NCOR2: variants seen among roughly 807,000 people sequenced by gnomAD.
NCOR2 encodes the protein nuclear receptor corepressor 2.
Under a neutral mutation model 262.9 loss-of-function variants are expected in NCOR2, and 81 were observed. That is an observed-to-expected ratio of 0.31 (90% confidence interval 0.26 to 0.37). NCOR2 has a LOEUF of 0.37. NCOR2 is among the 10% of genes least tolerant of loss of function. The probability of loss-of-function intolerance (pLI) is 1.00; values close to 1 mark genes in which losing one functional copy is unlikely to be tolerated. For missense variants in NCOR2, 3,385 were observed against 3,621.4 expected (o/e 0.93, Z 1.68); for synonymous variants, 1,659 against 1,559.3 (o/e 1.06, Z -1.51).
chr12:124,497,433 C>A (rs75133898), upstream of NCOR2, among the ~76,000 whole-genome samples: 2,613 of 152,334 alleles, frequency 0.017, 62 homozygotes, highest in Non-Finnish European at 0.019. The surrounding 1 kb of genome is among the most constrained non-coding windows in gnomAD (Gnocchi z 4.2). Context: ...CCCTAAACAT[C>A]AGACATTCAT....
At chr12:124,519,089 T>TACACACACACATAC (rs58285194) in intron 1 of NCOR2, among the ~76,000 whole-genome samples, 7,969 of 97,166 alleles carry the variant, frequency 0.082, 393 homozygotes, top group African/African-American at 0.11. Flanking sequence ...GGCCAAATAA[T>TACACACACACATAC]ACACACACAC....
rs1555222674 is a variant in NCOR2, at chr12:124,433,873, C to CAA, written c.883-3087_883-3086insTT. On this transcript the variant is annotated intron_variant, in intron 8 of 46. Coordinates refer to ENST00000405201, the Ensembl canonical transcript of NCOR2. ...ACACACACACACACACACACACACA[C>CAA]ACACACACACACACACACACACACA... 9.2e-3 allele frequency among the ~76,000 whole-genome samples: 883 copies of CAA among 96,262 alleles called. 36 individuals are homozygous for CAA. Among genetic ancestry groups the CAA allele is most frequent in the East Asian group, 0.039 (133 of 3,444 alleles). The allele number at this position is 96,262 out of a possible 152,430, so 63.2% of individuals were successfully genotyped here. A position where few individuals can be genotyped will look rare whatever the true frequency, so the allele number is the denominator to read the frequency against.
chr12:124,446,110 C>G lies in NCOR2; in HGVS notation c.815+3705G>C, dbSNP rs187733867. On this transcript the variant is annotated intron_variant, in intron 7 of 46. Coordinates refer to ENST00000405201, the Ensembl canonical transcript of NCOR2. ...TTCTGCAGTCTAGCATGAGCGGTCA[C>G]AAAACATCAGAGCCTGCAAGGAGTG... Among the ~76,000 whole-genome samples, 278 of 152,324 alleles carry G rather than the reference C, an allele frequency of 1.8e-3. 3 individuals are homozygous for G. Among genetic ancestry groups the G allele is most frequent in the Admixed American group, 7.9e-3 (121 of 15,302 alleles).
At chr12:124,327,753 G>C (rs570636764) in intron 44 of NCOR2, 120 bp from the exon 47 acceptor site, 2 of 684,224 alleles carry the variant, frequency 2.9e-6, no homozygotes, top group African/African-American at 1.8e-5. Flanking sequence ...GAGGAGGAGA[G>C]AGAAATACAC....
intron 20 of NCOR2, among the ~76,000 whole-genome samples, chr12:124,370,791 A>T (rs1393325161): frequency 2.0e-5 from 3 of 152,150 alleles, no homozygotes; most frequent in Non-Finnish European, 4.4e-5. Flanking sequence ...CAGAAAGGAA[A>T]GAACACACCT....
Position 124,374,476 on chromosome 12 carries a change from CAG to C in NCOR2, c.2168-15_2168-14del, listed in dbSNP as rs1731747049. On this transcript the variant is annotated splice_polypyrimidine_tract_variant and intron_variant, in intron 18 of 46. Coordinates refer to ENST00000405201, the Ensembl canonical transcript of NCOR2. ...GAGGCATGTAAGGCTGGAAGGAAGT[CAG>C]AGAAGAGTTAGAAGTGAGGCAGCAC... 6.2e-7 allele frequency: 1 copy of C among 1,611,374 alleles called. No homozygotes were observed. The highest frequency in any genetic ancestry group is 1.3e-5 in the African/African-American group (1 of 74,880).
chr12:124,423,478 T>C (rs1702318), intron 11 of NCOR2, among the ~76,000 whole-genome samples: 146,515 of 152,254 alleles, frequency 0.96, 70,513 homozygotes, highest in East Asian at 1. Flanking sequence ...CAGCCAGACA[T>C]CCGAGGATCC....
rs375515516 is a variant in NCOR2 at position 124,363,772 on chromosome 12, G to A, written c.2835C>T (p.Leu945=). Reference sequence around the variant, plus strand: ...TGGCCCGGGGGTCGCCAGTCGGGGTGAGGAGGCTGGGCCTTGGGGACAGCA... The same window carrying A: ...TGGCCCGGGGGTCGCCAGTCGGGGTAAGGAGGCTGGGCCTTGGGGACAGCA... The change falls in exon 21 of 47, where the codon CTC becomes CTT. Residue 945 remains leucine, a synonymous_variant. Coordinates refer to ENST00000405201, the Ensembl canonical transcript of NCOR2. 6 of 1,383,994 alleles carry A rather than the reference G, an allele frequency of 4.3e-6. No homozygotes were observed. In the African/African-American group the frequency reaches 9.0e-5, roughly 21 times the overall value. The allele number at this position is 1,383,994 out of a possible 1,614,324, so 85.7% of individuals were successfully genotyped here.
At chr12:124,361,081 C>T (rs910011060) in intron 22 of NCOR2, among the ~76,000 whole-genome samples, 9 of 148,866 alleles carry the variant, frequency 6.0e-5, no homozygotes, top group African/African-American at 2.0e-4. Context: ...GAGATTGTGC[C>T]ACTGCACTCC....
In NCOR2 at chr12:124,341,865, G is replaced by A. The variant is rs368753932; in HGVS notation, c.5146C>T (p.Arg1716Cys). 5.5e-5 allele frequency: 88 copies of A among 1,610,654 alleles called. No homozygotes were observed. Among genetic ancestry groups the A allele is most frequent in the Middle Eastern group, 1.6e-4 (1 of 6,078 alleles). ...TAGTTGAGTGCCAGCGAGGACTCGC[G>A]GGGCGAGAGGCCCCTCAGCATATCA... Residue 1716 changes from arginine (R) to cysteine (C), a missense_variant, in exon 34 of 47, where the codon CGC becomes TGC. Physicochemically the swap from Arg to Cys is radical, Grantham distance 180. Around this residue, in one of 5 missense-constraint regions of NCOR2, gnomAD observed 1,615 missense variants for 1,626.9 expected, o/e 0.99. Coordinates refer to ENST00000405201, the Ensembl canonical transcript of NCOR2.
chr12:124,488,194 A>G (rs1207600111), intron 1 of NCOR2, among the ~76,000 whole-genome samples: 1 of 152,144 alleles, frequency 6.6e-6, no homozygotes, highest in Non-Finnish European at 1.5e-5. Context: ...GTGCGTTGAT[A>G]ATGTATCTGT....
At chr12:124,521,621 AC>A (rs1239274537) in intron 1 of NCOR2, among the ~76,000 whole-genome samples, 2 of 152,004 alleles carry the variant, frequency 1.3e-5, no homozygotes, top group Non-Finnish European at 2.9e-5. Context: ...ACGTGAAGTG[AC>A]CCCACCGGTA....
intron 13 of NCOR2, among the ~76,000 whole-genome samples, chr12:124,404,742 G>T (rs551642059): frequency 6.6e-6 from 1 of 152,186 alleles, no homozygotes; most frequent in Non-Finnish European, 1.5e-5. Context: ...ACAGATCCCC[G>T]AGAGCTGACT....
chr12:124,479,326 G>T lies in NCOR2; in HGVS notation c.411+4270C>A, dbSNP rs567429129. Among the ~76,000 whole-genome samples, 928 of 149,008 alleles carry T rather than the reference G, an allele frequency of 6.2e-3. 16 individuals are homozygous for T. Among genetic ancestry groups the T allele is most frequent in the African/African-American group, 0.021 (846 of 40,142 alleles). ...CACATGCACGGACACATGCACACAC[G>T]TGCGCACACAAACACACATACACAC... On this transcript the variant is annotated intron_variant, in intron 3 of 46. Coordinates refer to ENST00000405201, the Ensembl canonical transcript of NCOR2.
exon 32 of NCOR2, chr12:124,344,637 C>A: frequency 1.4e-6 from 2 of 1,473,534 alleles, no homozygotes; most frequent in Middle Eastern, 1.8e-4. Context: ...TGGTCACGGG[C>A]GAACCTCGTG....
In NCOR2 at chr12:124,500,473, G is replaced by A. The variant is rs571067281; in HGVS notation, c.-117-5105C>T. On this transcript the variant is annotated intron_variant, in intron 1 of 46. Coordinates refer to the NCOR2 transcript ENST00000404621. ...TTGGTAAGGTTTCCAAATCCACAGCGGAAAGCTCAGGCCGTGAGCTCTGAC... is the reference window on the plus strand; with the variant it reads ...TTGGTAAGGTTTCCAAATCCACAGCAGAAAGCTCAGGCCGTGAGCTCTGAC... Among the ~76,000 whole-genome samples the A allele has an allele frequency of 2.8e-4, 42 of 152,336 alleles. No homozygotes were observed. In the East Asian group the frequency reaches 6.2e-3, roughly 22 times the overall value.
intron 2 of NCOR2, among the ~76,000 whole-genome samples, chr12:124,484,537 C>T (rs2047673990): frequency 6.6e-6 from 1 of 152,216 alleles, no homozygotes; most frequent in Non-Finnish European, 1.5e-5. Context: ...AGAGGCTAAG[C>T]AGGGAATCCA....
At position 124,523,635 on chromosome 12, in the gene NCOR2, C is replaced by T. The variant is rs1230484176; in HGVS notation, c.-118+11930G>A. Among the ~76,000 whole-genome samples the T allele has an allele frequency of 6.0e-5, 4 of 67,036 alleles. No homozygotes were observed. The highest frequency in any genetic ancestry group is 1.0e-4 in the Non-Finnish European group (3 of 29,472). 44.0% of individuals were successfully genotyped at this position (67,036 alleles called of 152,430 possible). ...ACTAACACTAACCATAGCTGATGAA[C>T]TAAAAAAAAAAAAAACAAAAAACCG... On this transcript the variant is annotated intron_variant, in intron 1 of 46. Coordinates refer to the NCOR2 transcript ENST00000404621. This position sits in a 1 kb window ranked among gnomAD's most constrained non-coding sequence, Gnocchi z 4.0.
chr12:124,497,656 A>G (rs891256299), upstream of NCOR2, among the ~76,000 whole-genome samples: 6 of 152,244 alleles, frequency 3.9e-5, no homozygotes, highest in African/African-American at 1.4e-4. The surrounding 1 kb of genome is among the most constrained non-coding windows in gnomAD (Gnocchi z 4.2). Flanking sequence ...ACGTCTGTGC[A>G]TATTCCGACT....
Sources: allele counts gnomAD v4.1 joint callset (sites outside exome capture counted in the v4.1 genomes callset), GRCh38; gene constraint gnomAD v4.1.1; regional missense constraint gnomAD v4.1.1; non-coding constraint Gnocchi (gnomAD v3.1); transcripts MANE v1.5; gene names NCBI Gene and HGNC (gene_info 2026-07-23, HGNC 2026-07-21).